Variants in SLC22A16 observed in about 807,000 individuals in gnomAD.
SLC22A16 encodes the protein WUGSC:RG331P03.1.
In SLC22A16, 53 loss-of-function variants were observed where a neutral mutation model predicts 52.9. The ratio of observed to expected loss-of-function variants is 1.00; its 90% confidence interval spans 0.80 to 1.26. SLC22A16 has a LOEUF of 1.26. SLC22A16 is among the 50% of genes most tolerant of loss of function. The pLI is 0.00. For missense variants in SLC22A16, 726 were observed against 704.0 expected (o/e 1.03, Z -0.35); for synonymous variants, 291 against 268.8 (o/e 1.08, Z -0.81).
rs118073549 is a variant in SLC22A16 at position 110,465,351 on chromosome 6, A to G, written c.54-8334T>C. Among the ~76,000 whole-genome samples the G allele has an allele frequency of 6.7e-3, 1,013 of 152,258 alleles. 4 individuals carry two copies. Among genetic ancestry groups the G allele is most frequent in the Middle Eastern group, 0.034 (10 of 294 alleles). On this transcript the variant is annotated intron_variant, in intron 1 of 7. Transcript: ENST00000368919. ...TATCCAAACTGAAAAAAAGAGTGAA[A>G]TTATCTCTGTTCCCTGATAACATGA...
At chr6:110,438,868 C>T (rs761216234) in intron 4 of SLC22A16, 21 bp from the exon 5 acceptor site, 8 of 1,612,758 alleles carry the variant, frequency 5.0e-6, no homozygotes, top group Non-Finnish European at 6.8e-6. Context: ...GCAAGCAGCC[C>T]TCTATAAGTC....
intron 5 of SLC22A16, among the ~76,000 whole-genome samples, chr6:110,436,721 AT>A (rs1774746203): frequency 6.6e-6 from 1 of 152,188 alleles, no homozygotes; most frequent in South Asian, 2.1e-4. Context: ...TTCAGAAAAT[AT>A]TTGAAAGTGG....
chr6:110,436,029 A>G, intron 5 of SLC22A16, 68 bp from the exon 6 acceptor site: 1 of 1,019,896 alleles, frequency 9.8e-7, no homozygotes, highest in Non-Finnish European at 1.5e-6. Context: ...AAATCTTTAA[A>G]ATCATTACTT....
At chr6:110,457,824 C>T (rs1775724197) in intron 1 of SLC22A16, among the ~76,000 whole-genome samples, 1 of 152,104 alleles carries the variant, frequency 6.6e-6, no homozygotes, top group African/African-American at 2.4e-5. Context: ...CCAAGCGGAC[C>T]ATGGTCTAGC....
rs570173805 is a variant in SLC22A16 at position 110,428,287 on chromosome 6, T to C, written c.1521+2884A>G. On this transcript the variant is annotated intron_variant, in intron 7 of 7. Coordinates refer to ENST00000368919, the MANE Select transcript of SLC22A16 (RefSeq NM_033125.4). Reference sequence around the variant, plus strand: ...ATTACAAACAATAGGTAATACTCCTTAGATCCAAAGGAAGCACATTCACAG... The same window carrying C: ...ATTACAAACAATAGGTAATACTCCTCAGATCCAAAGGAAGCACATTCACAG... Among the ~76,000 whole-genome samples, 5 of 152,232 alleles carry C rather than the reference T, an allele frequency of 3.3e-5. No homozygotes were observed. The South Asian group carries it at 6.2e-4, about 19-fold the overall frequency.
At chr6:110,459,925 T>C (rs1343612076) in intron 1 of SLC22A16, among the ~76,000 whole-genome samples, 1 of 152,072 alleles carries the variant, frequency 6.6e-6, no homozygotes, top group Non-Finnish European at 1.5e-5. Context: ...ATAGAACAGA[T>C]AAAATTTGGA....
chr6:110,476,399 G>A lies in SLC22A16; in HGVS notation c.53+123C>T, dbSNP rs932780702. ...GGACGCCCGTGTCCCGACTGCGCGGGGTGAGGAGGAAGTGGAGATGTTTTC... is the reference window on the plus strand; with the variant it reads ...GGACGCCCGTGTCCCGACTGCGCGGAGTGAGGAGGAAGTGGAGATGTTTTC... On this transcript the variant is annotated intron_variant, in intron 1 of 7. Coordinates refer to ENST00000368919, the MANE Select transcript of SLC22A16 (RefSeq NM_033125.4). 1.7e-5 allele frequency: 23 copies of A among 1,387,504 alleles called. No individual in the cohort carries two copies. In the African/African-American group the frequency reaches 1.8e-4, roughly 11 times the overall value. 85.9% of individuals were successfully genotyped at this position (1,387,504 alleles called of 1,614,324 possible). A position where few individuals can be genotyped will look rare whatever the true frequency, so the allele number is the denominator to read the frequency against.
chr6:110,436,505 G>C (rs1029616419), intron 5 of SLC22A16, among the ~76,000 whole-genome samples: 5 of 152,066 alleles, frequency 3.3e-5, no homozygotes, highest in Admixed American at 1.3e-4. Context: ...ACATGCCTGT[G>C]GTCCCAGCTA....
At chr6:110,457,925 A>T (rs1400851963) in intron 1 of SLC22A16, among the ~76,000 whole-genome samples, 1 of 151,644 alleles carries the variant, frequency 6.6e-6, no homozygotes, top group African/African-American at 2.4e-5. Flanking sequence ...AGAAGACTCT[A>T]CTCCACCACC....
chr6:110,463,549 C>T lies in SLC22A16; in HGVS notation c.54-6532G>A, dbSNP rs552140978. On this transcript the variant is annotated intron_variant, in intron 1 of 7. Transcript: ENST00000368919. Reference sequence around the variant, plus strand: ...AAAAAAAAAAAAAGACAAAGAATAGCATTATCCAATGATACACGGTCTAAT... The same window carrying T: ...AAAAAAAAAAAAAGACAAAGAATAGTATTATCCAATGATACACGGTCTAAT... Among the ~76,000 whole-genome samples, 4 of 99,444 alleles carry T rather than the reference C, an allele frequency of 4.0e-5. No individual in the cohort carries two copies. In the South Asian group the frequency reaches 1.1e-3, roughly 27 times the overall value. The allele number at this position is 99,444 out of a possible 152,430, so 65.2% of individuals were successfully genotyped here.
chr6:110,439,982 A>G (rs1774898979), intron 4 of SLC22A16: 1 of 152,256 alleles, frequency 6.6e-6, no homozygotes, highest in African/African-American at 2.4e-5. Context: ...GAAGCAACTT[A>G]CAAAGAACAA....
rs745861212 is a variant in SLC22A16 at position 110,438,792 on chromosome 6, C to T, written c.1239G>A (p.Gly413=). Residue 413 remains glycine (G), a synonymous_variant, in exon 5 of 8, where the codon GGG becomes GGA. Transcript: ENST00000368919. The part of the protein sequence containing the change: ...TFVCIAMDKV[G]RRTVLAYSLF... Reference sequence around the variant, plus strand: ...GAGAGTAGGCCAGGACTGTTCTCCTCCCGACCTTGTCCATGGCGATGCACA... The same window carrying T: ...GAGAGTAGGCCAGGACTGTTCTCCTTCCGACCTTGTCCATGGCGATGCACA... 6 of 1,614,170 alleles carry T rather than the reference C, an allele frequency of 3.7e-6. No homozygotes were observed. The East Asian group carries it at 6.7e-5, about 18-fold the overall frequency.
intron 2 of SLC22A16, among the ~76,000 whole-genome samples, chr6:110,449,884 C>T (rs775786692): frequency 2.0e-4 from 30 of 152,184 alleles, no homozygotes; most frequent in Non-Finnish European, 4.3e-4. Context: ...AAATAATCCC[C>T]ATTGTGGTTT....
Position 110,454,693 on chromosome 6 carries a change from T to C in SLC22A16, c.533+1845A>G, listed in dbSNP as rs1366128406. On this transcript the variant is annotated intron_variant, in intron 2 of 7. Transcript: ENST00000368919. ...TATATATATTATATATTTTATATTA[T>C]ATATATTTTTTGTATATATATTTTA... Among the ~76,000 whole-genome samples, 46 of 77,438 alleles carry C rather than the reference T, an allele frequency of 5.9e-4. 7 individuals carry two copies. Among genetic ancestry groups the C allele is most frequent in the African/African-American group, 2.7e-3 (44 of 16,104 alleles). 50.8% of individuals were successfully genotyped at this position (77,438 alleles called of 152,430 possible). A position where few individuals can be genotyped will look rare whatever the true frequency, so the allele number is the denominator to read the frequency against.
At chr6:110,461,567 GT>G (rs111725092) in intron 1 of SLC22A16, among the ~76,000 whole-genome samples, 8,107 of 152,214 alleles carry the variant, frequency 0.053, 244 homozygotes, top group South Asian at 0.085. Context: ...AAAACCTGCT[GT>G]CAGAAGAGCA....
At chr6:110,465,506 G>C (rs1776030679) in intron 1 of SLC22A16, among the ~76,000 whole-genome samples, 1 of 151,908 alleles carries the variant, frequency 6.6e-6, no homozygotes, top group African/African-American at 2.4e-5. Flanking sequence ...CACTCAAGCT[G>C]CAAACTAAAT....
intron 1 of SLC22A16, among the ~76,000 whole-genome samples, chr6:110,461,820 G>A (rs1775895954): frequency 6.6e-6 from 1 of 152,104 alleles, no homozygotes; most frequent in South Asian, 2.1e-4. Context: ...AGTGAAAAAA[G>A]AATACAAACT....
chr6:110,429,194 A>G (rs1316989878), intron 7 of SLC22A16, among the ~76,000 whole-genome samples: 1 of 152,200 alleles, frequency 6.6e-6, no homozygotes, highest in Non-Finnish European at 1.5e-5. Context: ...TCTTCTAGAA[A>G]AGTTCATGAC....
rs143686781 is a variant in SLC22A16 at position 110,434,706 on chromosome 6, G to A, written c.1421+1146C>T. On this transcript the variant is annotated intron_variant, in intron 6 of 7. Coordinates refer to ENST00000368919, the MANE Select transcript of SLC22A16 (RefSeq NM_033125.4). Reference sequence around the variant, plus strand: ...TAAAAATCCCGAGTCTCGGCTAGGCGTGGTGGCTCATGCCTGTAATCCCAA... The same window carrying A: ...TAAAAATCCCGAGTCTCGGCTAGGCATGGTGGCTCATGCCTGTAATCCCAA... 6.5e-3 allele frequency among the ~76,000 whole-genome samples: 993 copies of A among 152,282 alleles called. 17 individuals carry two copies. Among genetic ancestry groups the A allele is most frequent in the African/African-American group, 0.023 (950 of 41,538 alleles).
Sources: allele counts gnomAD v4.1 joint callset (sites outside exome capture counted in the v4.1 genomes callset), GRCh38; gene constraint gnomAD v4.1.1; transcripts MANE v1.5; gene names NCBI Gene and HGNC (gene_info 2026-07-23, HGNC 2026-07-21).